The following PAICS variants were observed in gnomAD, a reference collection of about 807,000 sequenced individuals.
PAICS encodes phosphoribosylaminoimidazole carboxylase and phosphoribosylaminoimidazolesuccinocarboxamide synthase.
PAICS carries 33 observed loss-of-function variants against 53.7 expected under a neutral mutation model. The ratio of observed to expected loss-of-function variants is 0.61; its 90% CI spans 0.47 to 0.82. The LOEUF (loss-of-function observed/expected upper bound fraction) is 0.82. Ranked by LOEUF, PAICS falls within the 40% of genes least tolerant of loss-of-function variation. PAICS has a pLI of 0.00. For synonymous variants in PAICS, 141 were observed against 167.2 expected (o/e 0.84, Z 1.21); for missense variants, 394 against 494.1 (o/e 0.80, Z 1.92).
chr4:56,427,642 TAAA>T, the PAICS span, among the ~76,000 whole-genome samples: 54 of 140,524 alleles, frequency 3.8e-4, no homozygotes, highest in Admixed American at 1.3e-3. Context: ...CCCTGTCTCT[TAAA>T]AAAAAAAAAA....
the PAICS span, among the ~76,000 whole-genome samples, chr4:56,427,249 CG>C: frequency 6.6e-6 from 1 of 152,236 alleles, no homozygotes; most frequent in African/African-American, 2.4e-5. Context: ...TACCCAGAAG[CG>C]AAATTGTTGA....
chr4:56,432,973 C>CATAT (rs200791013), upstream of PAICS, among the ~76,000 whole-genome samples: 4 of 127,456 alleles, frequency 3.1e-5, no homozygotes, highest in African/African-American at 9.0e-5. Flanking sequence ...TATATATATA[C>CATAT]ATATATACAT....
At chr4:56,439,690 T>C (rs1288312916) in intron 1 of PAICS, among the ~76,000 whole-genome samples, 1 of 152,162 alleles carries the variant, frequency 6.6e-6, no homozygotes, top group African/African-American at 2.4e-5. Flanking sequence ...GGTCTCACTC[T>C]ATCACCCAGG....
Position 56,448,011 on chromosome 4 carries a change from T to TC in PAICS, c.394-407_394-406insC, listed in dbSNP as rs1212883494. ...ACCTGGATCAAAATTTCTTTTCTTT[T>TC]TTTTTTTTTTTTTTGAGATGGAGTC... On this transcript the variant is annotated intron_variant, in intron 3 of 8. Coordinates refer to ENST00000512576, the MANE Select transcript of PAICS (RefSeq NM_001079524.2). Among the ~76,000 whole-genome samples the TC allele has an allele frequency of 1.5e-3, 212 of 145,420 alleles. 1 individual carries two copies. The highest frequency in any genetic ancestry group is 5.2e-3 in the African/African-American group (200 of 38,286).
At position 56,462,076 on chromosome 4, in the gene PAICS, A is replaced by C. The variant is rs1719537747; in HGVS notation, c.*2538A>C. On this transcript the variant is annotated 3_prime_UTR_variant, in exon 9 of 9. Transcript: ENST00000512576. ...GAACTTATGTTTTAGAGGGGAAAAC[A>C]AACCATAAAAAGGTAAACAGTATAA... 6.6e-6 allele frequency: 1 copy of C among 152,280 alleles called. No individual in the cohort carries two copies. Among genetic ancestry groups the C allele is most frequent in the Non-Finnish European group, 1.5e-5 (1 of 68,054 alleles). 9.4% of individuals were successfully genotyped at this position (152,280 alleles called of 1,614,324 possible).
At chr4:56,435,950 G>A (rs772610832), upstream of PAICS, 1 of 1,493,178 alleles carries the variant, frequency 6.7e-7, no homozygotes, top group African/African-American at 1.4e-5. Flanking sequence ...CTTCTGAGTC[G>A]CTCCCGCAGC....
In PAICS at chr4:56,448,493, A is replaced by G. The variant is rs777026500; in HGVS notation, c.469A>G (p.Ile157Val). 3 of 1,612,858 alleles carry G rather than the reference A, an allele frequency of 1.9e-6. No homozygotes were observed. Among genetic ancestry groups the G allele is most frequent in the Middle Eastern group, 1.7e-4 (1 of 6,050 alleles). Reference protein sequence around the residue: ...AAKFCFAGLLIGQTEVDIMSH... With the variant: ...AAKFCFAGLLVGQTEVDIMSH... ...AAAATTTTGCTTTGCTGGACTTCTT[A>G]TAGGCCAGACTGAAGTGGATATCAT... The change falls in exon 4 of 9, where the codon ATA becomes GTA. Residue 157 changes from isoleucine (I) to valine (V), a missense_variant. By Grantham distance (29) the Ile-to-Val change is conservative. Transcript: ENST00000512576.
Position 56,451,984 on chromosome 4 carries a change from G to A in PAICS, c.884G>A (p.Cys295Tyr). The change falls in exon 7 of 9, where the codon TGT becomes TAT. Residue 295 changes from cysteine (C) to tyrosine (Y), a missense_variant. Coordinates refer to ENST00000512576, the MANE Select transcript of PAICS (RefSeq NM_001079524.2). ...KKACGNFGIPCELRVTSAHKG... is the reference protein window; with the variant it reads ...KKACGNFGIPYELRVTSAHKG... The stretch of plus-strand genomic sequence containing the variant: ...GCCTGTGGAAATTTTGGCATTCCAT[G>A]TGAACTTCGAGTAACATCTGCGCAT... The A allele has an allele frequency of 6.2e-7, 1 of 1,609,028 alleles. No individual in the cohort carries two copies. Among genetic ancestry groups the A allele is most frequent in the East Asian group, 2.2e-5 (1 of 44,840 alleles).
At chr4:56,437,083 G>T (rs1035626476) in intron 1 of PAICS, among the ~76,000 whole-genome samples, 1 of 151,380 alleles carries the variant, frequency 6.6e-6, no homozygotes, top group African/African-American at 2.4e-5. Flanking sequence ...GCACGCGCGC[G>T]TGAAGTAGTC....
At chr4:56,440,924 A>G (rs1009969549) in intron 1 of PAICS, among the ~76,000 whole-genome samples, 2 of 152,148 alleles carry the variant, frequency 1.3e-5, no homozygotes, top group Admixed American at 1.3e-4. Context: ...CTCTTTCTCT[A>G]AATCATCCTT....
Position 56,460,384 on chromosome 4 carries a change from TAATTTCTGATTAACCCTTG to T in PAICS, c.*852_*870del, listed in dbSNP as rs1326921600. 3.3e-5 allele frequency: 5 copies of T among 152,226 alleles called. No individual in the cohort carries two copies. The highest frequency in any genetic ancestry group is 1.2e-4 in the African/African-American group (5 of 41,464). 9.4% of individuals were successfully genotyped at this position (152,226 alleles called of 1,614,324 possible). ...ACTCATCACCAAGTCATGTTGGTGT[TAATTTCTGATTAACCCTTG>T]AATTTACCGTCTTCTCATCCTCTGT... On this transcript the variant is annotated 3_prime_UTR_variant, in exon 9 of 9. Transcript: ENST00000512576.
At chr4:56,459,323 C>T in intron 8 of PAICS, 49 bp from the exon 9 acceptor site, 1 of 1,383,628 alleles carries the variant, frequency 7.2e-7, no homozygotes, top group African/African-American at 1.4e-5. Context: ...GTTGTATTTT[C>T]ATTACTAATT....
At chr4:56,439,554 C>T (rs1277100819) in intron 1 of PAICS, among the ~76,000 whole-genome samples, 1 of 152,006 alleles carries the variant, frequency 6.6e-6, no homozygotes, top group East Asian at 1.9e-4. Flanking sequence ...CTTTACCCTT[C>T]CCTCTCTTTT....
At chr4:56,435,585 C>T (rs575699835), upstream of PAICS, 26 of 1,569,124 alleles carry the variant, frequency 1.7e-5, no homozygotes, top group African/African-American at 8.1e-5. Flanking sequence ...TCGCGACAGG[C>T]TCTTCCTTCC....
intron 8 of PAICS, among the ~76,000 whole-genome samples, chr4:56,458,413 T>A (rs539555730): frequency 6.6e-6 from 1 of 152,302 alleles, no homozygotes; most frequent in East Asian, 1.9e-4. Context: ...GTTGACATTC[T>A]TGGAGCACAT....
At position 56,461,635 on chromosome 4, in the gene PAICS, C is replaced by T. The variant is rs1719519429; in HGVS notation, c.*2097C>T. The T allele has an allele frequency of 6.6e-6, 1 of 151,926 alleles. No homozygotes were observed. The highest frequency in any genetic ancestry group is 6.6e-5 in the Admixed American group (1 of 15,256). 9.4% of individuals were successfully genotyped at this position (151,926 alleles called of 1,614,324 possible). On this transcript the variant is annotated 3_prime_UTR_variant, in exon 9 of 9. Transcript: ENST00000512576. The stretch of plus-strand genomic sequence containing the variant: ...AACTCCTGGACTCAAGCTGCAGCCT[C>T]TCGAGTAGCTGGGTGCATGTGCTAC...
At chr4:56,433,526 G>A (rs182863806), upstream of PAICS, among the ~76,000 whole-genome samples, 123 of 149,556 alleles carry the variant, frequency 8.2e-4, no homozygotes, top group Non-Finnish European at 1.4e-3. Context: ...TTTTCTTCAG[G>A]CACACATTTA....
intron 1 of PAICS, among the ~76,000 whole-genome samples, chr4:56,441,215 A>C (rs1718320248): frequency 6.6e-6 from 1 of 152,204 alleles, no homozygotes; most frequent in Non-Finnish European, 1.5e-5. Flanking sequence ...TTCCTGCAAG[A>C]TAGTTTAGAT....
intron 8 of PAICS, among the ~76,000 whole-genome samples, chr4:56,458,332 T>C (rs1457557421): frequency 1.3e-5 from 2 of 151,448 alleles, no homozygotes; most frequent in African/African-American, 4.9e-5. Flanking sequence ...AGAAAGGGAG[T>C]CCTGGGCAGG....
Sources: allele counts gnomAD v4.1 joint callset (sites outside exome capture counted in the v4.1 genomes callset), GRCh38; gene constraint gnomAD v4.1.1; transcripts MANE v1.5; gene names NCBI Gene and HGNC (gene_info 2026-07-23, HGNC 2026-07-21).